RNF220: variants seen among roughly 807,000 people sequenced by gnomAD.
The protein encoded by RNF220 is ring finger protein 220.
RNF220 carries 7 observed loss-of-function variants against 67.1 expected under a neutral mutation model. That is an observed-to-expected ratio of 0.10 (90% CI 0.06 to 0.20). The LOEUF is 0.20. RNF220 is among the 10% of genes least tolerant of loss of function. The pLI is 1.00. For synonymous variants in RNF220, 270 were observed against 283.2 expected, an observed-to-expected ratio of 0.95 and a Z score of 0.47; for missense variants, 565 against 740.3, an observed-to-expected ratio of 0.76 and a Z score of 2.75.
intron 2 of RNF220, among the ~76,000 whole-genome samples, chr1:44,572,137 T>C (rs1664486384): frequency 6.6e-6 from 1 of 152,254 alleles, no homozygotes; most frequent in Non-Finnish European, 1.5e-5. Flanking sequence ...TCCAGGCTTC[T>C]AGTTGAGGAA....
rs1481159623 is a variant in RNF220, at chr1:44,501,165, AG to A, written c.625+88448del. ...AAAGGGAGAGTCTTGTGCTTGGGGGAGGGGGTGGGGAGAGCCCTTTGTCCCG... is the reference window on the plus strand; with the variant it reads ...AAAGGGAGAGTCTTGTGCTTGGGGGAGGGGTGGGGAGAGCCCTTTGTCCCG... On this transcript the variant is annotated intron_variant, in intron 2 of 14. Transcript: ENST00000361799. Among the ~76,000 whole-genome samples, 4 of 15,796 alleles carry A rather than the reference AG, an allele frequency of 2.5e-4. No homozygotes were observed. In the East Asian group the frequency reaches 4.5e-3, roughly 18 times the overall value. The allele number at this position is 15,796 out of a possible 152,430, so 10.4% of individuals were successfully genotyped here. A position where few individuals can be genotyped will look rare whatever the true frequency, so the allele number is the denominator to read the frequency against.
At chr1:44,636,615 C>T (rs1327539089) in intron 8 of RNF220, 1 of 597,498 alleles carries the variant, frequency 1.7e-6, no homozygotes, top group East Asian at 2.8e-5. Flanking sequence ...CCTCTTCAGC[C>T]CTATGTCAGG....
chr1:44,511,169 A>C (rs1658960600), intron 2 of RNF220, among the ~76,000 whole-genome samples: 1 of 152,204 alleles, frequency 6.6e-6, no homozygotes, highest in Admixed American at 6.5e-5. Flanking sequence ...GACTACAGCC[A>C]ATTCTGATAA....
chr1:44,407,750 C>T (rs536244348), intron 1 of RNF220, among the ~76,000 whole-genome samples: 1 of 152,294 alleles, frequency 6.6e-6, no homozygotes, highest in South Asian at 2.1e-4. Context: ...CCCGGCAGCC[C>T]CGCGCCGGTC....
At chr1:44,577,484 A>C (rs997948986) in intron 2 of RNF220, among the ~76,000 whole-genome samples, 6 of 152,176 alleles carry the variant, frequency 3.9e-5, no homozygotes, top group African/African-American at 1.4e-4. Context: ...TTATGTGTCC[A>C]TCCCTGATCC....
intron 2 of RNF220, among the ~76,000 whole-genome samples, chr1:44,523,919 C>T (rs944005111): frequency 3.2e-4 from 48 of 152,178 alleles, no homozygotes; most frequent in African/African-American, 8.4e-4. Context: ...TGGCATAGTC[C>T]GCTTGCCTTG....
At chr1:44,419,461 C>T (rs996464216) in intron 2 of RNF220, 10 of 152,180 alleles carry the variant, frequency 6.6e-5, no homozygotes, top group Non-Finnish European at 1.5e-4. Flanking sequence ...CATCTTCCAG[C>T]CTTACCCAAT....
At chr1:44,528,596 G>A (rs572033637) in intron 2 of RNF220, among the ~76,000 whole-genome samples, 10 of 147,056 alleles carry the variant, frequency 6.8e-5, no homozygotes, top group East Asian at 6.0e-4. Flanking sequence ...CACTGCGCCC[G>A]GCCCTGCAAA....
At position 44,632,475 on chromosome 1, in the gene RNF220, C is replaced by T. The variant is rs371084669; in HGVS notation, c.949+90C>T. ...TGCCGCTCCTGGCTTGCCTGGGTCT[C>T]TTCGACTCTGGGGCCCGTTGGCTTC... On this transcript the variant is annotated intron_variant, in intron 6 of 14. Coordinates refer to ENST00000361799, the MANE Select transcript of RNF220 (RefSeq NM_018150.4). 4.0e-3 allele frequency: 4,565 copies of T among 1,152,634 alleles called. 117 individuals are homozygous for T. The South Asian group carries it at 0.045, about 11-fold the overall frequency. The allele number at this position is 1,152,634 out of a possible 1,614,324, so 71.4% of individuals were successfully genotyped here. A position where few individuals can be genotyped will look rare whatever the true frequency, so the allele number is the denominator to read the frequency against.
At chr1:44,552,804 C>T (rs1339787855) in intron 2 of RNF220, among the ~76,000 whole-genome samples, 4 of 151,972 alleles carry the variant, frequency 2.6e-5, no homozygotes, top group Non-Finnish European at 5.9e-5. Context: ...CTCTTGACCT[C>T]GTGATCCGCC....
chr1:44,637,369 C>T (rs1644359362), intron 8 of RNF220, among the ~76,000 whole-genome samples: 1 of 152,214 alleles, frequency 6.6e-6, no homozygotes, highest in Admixed American at 6.5e-5. Flanking sequence ...TGTTAGTTTG[C>T]CATTTCACTC....
chr1:44,626,678 A>G (rs1643949849), intron 5 of RNF220: 1 of 410,790 alleles, frequency 2.4e-6, no homozygotes, highest in Non-Finnish European at 4.4e-6. Flanking sequence ...GAAGTATCCT[A>G]TGGGGTTTGG....
At chr1:44,628,162 T>C (rs990284589) in intron 5 of RNF220, among the ~76,000 whole-genome samples, 1 of 152,244 alleles carries the variant, frequency 6.6e-6, no homozygotes, top group African/African-American at 2.4e-5. Context: ...CAGAGCATTC[T>C]GGTCCAGAGG....
intron 2 of RNF220, among the ~76,000 whole-genome samples, chr1:44,488,281 G>A (rs1026290457): frequency 1.1e-4 from 17 of 151,842 alleles, no homozygotes; most frequent in African/African-American, 2.9e-4. Flanking sequence ...GATTATAGGC[G>A]TGCGCCACCA....
rs987088009 is a variant in RNF220 at position 44,622,744 on chromosome 1, A to G, written c.761A>G (p.Lys254Arg). ...LEQLAQLPSS[K>R]NSLLKDAMAP... is the part of the protein sequence containing the mutation. Reference sequence around the variant, plus strand: ...CCTGTTCTCTTCTTTCTTGGCAGCAAGAATTCCCTTCTGAAGGATGCCATG... The same window carrying G: ...CCTGTTCTCTTCTTTCTTGGCAGCAGGAATTCCCTTCTGAAGGATGCCATG... Residue 254 changes from lysine (K) to arginine (R), a missense_variant and splice_region_variant, in exon 4 of 15, where the codon AAG becomes AGG. Lys to Arg is a conservative substitution (Grantham distance 26). Coordinates refer to ENST00000361799, the MANE Select transcript of RNF220 (RefSeq NM_018150.4). The surrounding 1 kb of genome is among the most constrained non-coding windows in gnomAD (Gnocchi z 4.3). 1 of 1,613,930 alleles carries G rather than the reference A, an allele frequency of 6.2e-7. No individual in the cohort carries two copies.
chr1:44,537,103 A>G (rs947644060), intron 2 of RNF220, among the ~76,000 whole-genome samples: 3 of 152,068 alleles, frequency 2.0e-5, no homozygotes, highest in African/African-American at 7.2e-5. Flanking sequence ...ACGGCCCATG[A>G]CAGTGTTTAT....
At chr1:44,637,924 TA>T (rs1040091141) in intron 8 of RNF220, among the ~76,000 whole-genome samples, 2 of 152,222 alleles carry the variant, frequency 1.3e-5, no homozygotes, top group African/African-American at 4.8e-5. Flanking sequence ...TGCCGCCTCT[TA>T]AACAGCTTAG....
intron 2 of RNF220, among the ~76,000 whole-genome samples, chr1:44,528,164 A>G (rs1220027339): frequency 6.6e-6 from 1 of 152,186 alleles, no homozygotes; most frequent in Non-Finnish European, 1.5e-5. Context: ...AGTGCTTACA[A>G]ATCAATAAAA....
chr1:44,500,033 A>G (rs1657690786), intron 2 of RNF220, among the ~76,000 whole-genome samples: 1 of 152,116 alleles, frequency 6.6e-6, no homozygotes, highest in Non-Finnish European at 1.5e-5. Flanking sequence ...AGCCACTACT[A>G]CTATCTCTCA....
Sources: gnomAD v4.1 joint callset for allele counts (sites outside exome capture counted in the v4.1 genomes callset) on GRCh38, gnomAD v4.1.1 for gene constraint, Gnocchi (gnomAD v3.1) non-coding constraint, MANE v1.5 for transcripts, NCBI Gene and HGNC (gene_info 2026-07-23, HGNC 2026-07-21) for gene names.